Variants in MAP3K20 observed in about 807,000 individuals in gnomAD.
MAP3K20 encodes the protein mitogen-activated protein kinase kinase kinase 20, also known as HCCS-4.
In MAP3K20, 40 loss-of-function variants were observed where a neutral mutation model predicts 85.7. The observed-to-expected ratio is 0.47, with a 90% CI of 0.36 to 0.61. MAP3K20 has a LOEUF of 0.61. MAP3K20 is among the 20% of genes least tolerant of loss of function. The pLI is 0.00. For missense variants in MAP3K20, 817 were observed against 961.7 expected (o/e 0.85, Z 1.99); for synonymous variants, 325 against 327.7 (o/e 0.99, Z 0.09).
intron 2 of MAP3K20, among the ~76,000 whole-genome samples, chr2:173,133,760 G>A (rs530340127): frequency 1.6e-4 from 25 of 151,668 alleles, no homozygotes; most frequent in African/African-American, 2.4e-4. Flanking sequence ...TCATGCGGGC[G>A]GATCACGAGG....
rs761899372 is a variant in MAP3K20, at chr2:173,266,528, G to C, written c.2181G>C (p.Ser727=). ...AGTCAGCACTCAATCCTCACCAGTC[G>C]CCTGACTTCAAGAGAAGCCCCAGGG... ...VSQSALNPHQ[S]PDFKRSPRDL... is the part of the protein sequence containing the mutation. Residue 727 remains serine (S), a synonymous_variant, in exon 20 of 20, where the codon TCG becomes TCC. Coordinates refer to ENST00000375213, the MANE Select transcript of MAP3K20 (RefSeq NM_016653.3). 1 of 1,613,842 alleles carries C rather than the reference G, an allele frequency of 6.2e-7. No homozygotes were observed. Among genetic ancestry groups the C allele is most frequent in the South Asian group, 1.1e-5 (1 of 91,050 alleles).
chr2:173,124,346 C>G (rs1425573739), intron 2 of MAP3K20, among the ~76,000 whole-genome samples: 4 of 152,168 alleles, frequency 2.6e-5, no homozygotes, highest in Admixed American at 6.6e-5. Flanking sequence ...AGGCAGAGAA[C>G]AGCTACTAGC....
At chr2:173,095,795 A>G (rs1263940202) in intron 2 of MAP3K20, among the ~76,000 whole-genome samples, 1 of 152,230 alleles carries the variant, frequency 6.6e-6, no homozygotes, top group Non-Finnish European at 1.5e-5. Context: ...TGCTCATTGT[A>G]TAGTGCTAAG....
intron 18 of MAP3K20, among the ~76,000 whole-genome samples, chr2:173,261,916 T>C (rs554271892): frequency 3.3e-5 from 5 of 150,972 alleles, no homozygotes; most frequent in Non-Finnish European, 7.4e-5. Flanking sequence ...ACTCGGGAGG[T>C]TGAAGTCGGG....
chr2:173,120,229 TTAGC>T (rs1688242540), intron 2 of MAP3K20, among the ~76,000 whole-genome samples: 1 of 152,104 alleles, frequency 6.6e-6, no homozygotes, highest in Non-Finnish European at 1.5e-5. Context: ...AGCCAAAACC[TTAGC>T]TGGCTGGTCG....
chr2:173,223,621 G>C (rs1285947046), intron 11 of MAP3K20: 1 of 985,238 alleles, frequency 1.0e-6, no homozygotes, highest in Non-Finnish European at 1.2e-6. Context: ...GATTTTTTCT[G>C]TTGCTCTTTG....
intron 15 of MAP3K20, 87 bp from the exon 16 acceptor site, chr2:173,239,317 A>G (rs1684726280): frequency 1.7e-6 from 2 of 1,148,324 alleles, no homozygotes; most frequent in South Asian, 3.6e-5. Context: ...TAGAAAAAAA[A>G]AAAAAACTAG....
chr2:173,246,150 A>G (rs1262083187), intron 16 of MAP3K20, among the ~76,000 whole-genome samples: 1 of 152,138 alleles, frequency 6.6e-6, no homozygotes, highest in Non-Finnish European at 1.5e-5. Flanking sequence ...CATCCTCTTC[A>G]TGAGGAAACT....
chr2:173,174,171 A>G (rs1201382950), intron 3 of MAP3K20, among the ~76,000 whole-genome samples: 4 of 152,208 alleles, frequency 2.6e-5, no homozygotes, highest in Non-Finnish European at 4.4e-5. Context: ...CTTTCTTGCA[A>G]CTTCAAAGTC....
intron 2 of MAP3K20, among the ~76,000 whole-genome samples, chr2:173,128,640 C>T (rs1477902464): frequency 7.9e-5 from 12 of 152,048 alleles, no homozygotes; most frequent in Non-Finnish European, 1.8e-4. Flanking sequence ...CCTAAATTGA[C>T]TTTAATGAAA....
chr2:173,093,258 T>G (rs1215630849), intron 2 of MAP3K20, among the ~76,000 whole-genome samples: 2 of 152,228 alleles, frequency 1.3e-5, no homozygotes, highest in African/African-American at 4.8e-5. Context: ...AAGCCCTGGA[T>G]TTTTTCCAAA....
chr2:173,121,788 CAG>C (rs1018105643), intron 2 of MAP3K20, among the ~76,000 whole-genome samples: 3 of 151,994 alleles, frequency 2.0e-5, no homozygotes, highest in Admixed American at 6.6e-5. Flanking sequence ...GGGGGACTGT[CAG>C]GGGCTCAGTG....
At chr2:173,164,899 C>T (rs960033378) in intron 2 of MAP3K20, among the ~76,000 whole-genome samples, 1 of 152,066 alleles carries the variant, frequency 6.6e-6, no homozygotes, top group Non-Finnish European at 1.5e-5. Flanking sequence ...AAACAAACAA[C>T]AAAATACTCA....
chr2:173,095,751 T>G (rs1217539001), intron 2 of MAP3K20, among the ~76,000 whole-genome samples: 2 of 152,222 alleles, frequency 1.3e-5, no homozygotes, highest in Non-Finnish European at 2.9e-5. Context: ...TGATTTCTCT[T>G]CCATTTGGAA....
chr2:173,258,680 ATT>A lies in MAP3K20; in HGVS notation c.1360-16_1360-15del, dbSNP rs758936447. ...TTGTTTCACTTTCTCAAATTCTGTA[ATT>A]TTGTTTTTAATTCCAGGATTGTAAG... On this transcript the variant is annotated splice_polypyrimidine_tract_variant and intron_variant, in intron 16 of 19. Coordinates refer to ENST00000375213, the MANE Select transcript of MAP3K20 (RefSeq NM_016653.3). The A allele has an allele frequency of 3.4e-6, 5 of 1,482,020 alleles. No individual in the cohort carries two copies. The African/African-American group carries it at 4.2e-5, about 12-fold the overall frequency. The allele number at this position is 1,482,020 out of a possible 1,614,324, so 91.8% of individuals were successfully genotyped here. A position where few individuals can be genotyped will look rare whatever the true frequency, so the allele number is the denominator to read the frequency against.
At chr2:173,230,964 C>A (rs1229634258) in intron 12 of MAP3K20, among the ~76,000 whole-genome samples, 1 of 152,150 alleles carries the variant, frequency 6.6e-6, no homozygotes, top group Admixed American at 6.5e-5. Context: ...CCACTGTATT[C>A]CAGCCTGGGC....
intron 16 of MAP3K20, among the ~76,000 whole-genome samples, chr2:173,255,966 G>A (rs1018554931): frequency 5.3e-5 from 8 of 152,232 alleles, no homozygotes; most frequent in African/African-American, 1.9e-4. Context: ...GAAATACTGA[G>A]AGATTTGTCA....
At chr2:173,237,353 GT>G (rs1684678594) in intron 14 of MAP3K20, among the ~76,000 whole-genome samples, 1 of 151,932 alleles carries the variant, frequency 6.6e-6, no homozygotes, top group Non-Finnish European at 1.5e-5. Flanking sequence ...CTTTGTGTTT[GT>G]CCCTCCCTTT....
At chr2:173,233,076 C>A (rs1448821972) in intron 14 of MAP3K20, among the ~76,000 whole-genome samples, 5 of 152,156 alleles carry the variant, frequency 3.3e-5, no homozygotes, top group Admixed American at 6.5e-5. Context: ...CAGATACTGC[C>A]TATGCGATAA....
Sources: allele counts gnomAD v4.1 joint callset (sites outside exome capture counted in the v4.1 genomes callset), GRCh38; gene constraint gnomAD v4.1.1; transcripts MANE v1.5; gene names NCBI Gene and HGNC (gene_info 2026-07-23, HGNC 2026-07-21).